The following PRELID3B variants were observed in gnomAD, a reference collection of about 807,000 sequenced individuals.
PRELID3B encodes PRELI domain containing protein 3B.
A neutral mutation model predicts 24.0 loss-of-function variants in PRELID3B; 15 were observed. The observed-to-expected ratio is 0.63, with a 90% CI of 0.42 to 0.96. The LOEUF is 0.96. PRELID3B is among the 40% of genes least tolerant of loss of function. The pLI is 0.00. For synonymous variants in PRELID3B, 62 were observed against 76.0 expected (o/e 0.82, Z 0.96); for missense variants, 189 against 236.0 (o/e 0.80, Z 1.30).
rs185978260 is a variant in PRELID3B, at chr20:59,033,649, T to A, written c.*1358A>T. On this transcript the variant is annotated 3_prime_UTR_variant, in exon 6 of 6. Transcript: ENST00000355937. ...TGTTATACTATTTCTGTGGTTTATGTACATATATTAACTGGTCTCTTGGAT... is the reference window on the plus strand; with the variant it reads ...TGTTATACTATTTCTGTGGTTTATGAACATATATTAACTGGTCTCTTGGAT... The A allele has an allele frequency of 5.3e-5, 8 of 152,346 alleles. No homozygotes were observed. The East Asian group carries it at 1.5e-3, about 29-fold the overall frequency. 9.4% of individuals were successfully genotyped at this position (152,346 alleles called of 1,614,324 possible).
intron 2 of PRELID3B, among the ~76,000 whole-genome samples, chr20:59,037,839 A>C (rs1032408147): frequency 6.6e-6 from 1 of 152,024 alleles, no homozygotes; most frequent in Non-Finnish European, 1.5e-5. Flanking sequence ...CAGTAAGTAC[A>C]TTCCTATTGA....
rs536890785 is a variant in PRELID3B at position 59,039,946 on chromosome 20, C to T, written c.33-1312G>A. Among the ~76,000 whole-genome samples, 13 of 152,182 alleles carry T rather than the reference C, an allele frequency of 8.5e-5. No individual in the cohort carries two copies. The South Asian group carries it at 2.3e-3, about 27-fold the overall frequency. On this transcript the variant is annotated intron_variant, in intron 1 of 5. Coordinates refer to ENST00000355937, the MANE Select transcript of PRELID3B (RefSeq NM_016045.3). ...GTTGCTTCATCAATCTGAAGTGTCC[C>T]GACAAATCGAAGCATACAGGCCAAG...
chr20:59,042,773 A>G lies in PRELID3B; in HGVS notation c.-43T>C, dbSNP rs1049734206. On this transcript the variant is annotated 5_prime_UTR_variant, in exon 1 of 6. Coordinates refer to ENST00000355937, the MANE Select transcript of PRELID3B (RefSeq NM_016045.3). Reference sequence around the variant, plus strand: ...AGATGTCCGGGTAGCGCCAGGGGACAACGAGGCACAGAGGCTACACCTGCC... The same window carrying G: ...AGATGTCCGGGTAGCGCCAGGGGACGACGAGGCACAGAGGCTACACCTGCC... The G allele has an allele frequency of 6.3e-7, 1 of 1,583,464 alleles. No homozygotes were observed. Among genetic ancestry groups the G allele is most frequent in the African/African-American group, 1.3e-5 (1 of 74,614 alleles).
intron 1 of PRELID3B, among the ~76,000 whole-genome samples, chr20:59,041,890 A>G (rs183956046): frequency 1.2e-4 from 19 of 152,326 alleles, no homozygotes; most frequent in Admixed American, 1.2e-3. Flanking sequence ...AAAAAAAAGG[A>G]TTTCGCTGCT....
At position 59,038,529 on chromosome 20, in the gene PRELID3B, A is replaced by T. The variant is rs1476351308; in HGVS notation, c.138T>A (p.Ser46=). Residue 46 remains serine, a synonymous_variant, in exon 2 of 6, where the codon TCT becomes TCA. Transcript: ENST00000355937. ...VDVLDRHIDP[S]GKLHSHRLLS... ...GAAGTCTGTGGCTGTGCAACTTTCC[A>T]GAGGGATCTATATGTCTGTCCAACA... The T allele has an allele frequency of 6.2e-7, 1 of 1,613,910 alleles. No homozygotes were observed. The highest frequency in any genetic ancestry group is 8.5e-7 in the Non-Finnish European group (1 of 1,179,850).
Position 59,034,809 on chromosome 20 carries a change from A to C in PRELID3B, c.*198T>G, listed in dbSNP as rs528674031. 6.6e-5 allele frequency: 28 copies of C among 427,172 alleles called. No homozygotes were observed. In the South Asian group the frequency reaches 2.2e-3, roughly 34 times the overall value. 26.5% of individuals were successfully genotyped at this position (427,172 alleles called of 1,614,324 possible). A position where few individuals can be genotyped will look rare whatever the true frequency, so the allele number is the denominator to read the frequency against. The stretch of plus-strand genomic sequence containing the variant: ...TCAAAATCAGATAGTAATTTCAAAC[A>C]ACATTAATTTCAGATGATCCCTTTT... On this transcript the variant is annotated 3_prime_UTR_variant, in exon 6 of 6. Coordinates refer to ENST00000355937, the MANE Select transcript of PRELID3B (RefSeq NM_016045.3).
Position 59,033,341 on chromosome 20 carries a change from C to G in PRELID3B, c.*1666G>C, listed in dbSNP as rs1010815007. The G allele has an allele frequency of 6.2e-5, 9 of 146,090 alleles. No individual in the cohort carries two copies. The highest frequency in any genetic ancestry group is 1.2e-4 in the Non-Finnish European group (8 of 65,258). The allele number at this position is 146,090 out of a possible 1,614,324, so 9.0% of individuals were successfully genotyped here. On this transcript the variant is annotated 3_prime_UTR_variant, in exon 6 of 6. Transcript: ENST00000355937. ...AAAATTTATAGTTTTATCAATAGGTCAGTTTTTAAAAAATCAAAGGATAAG... is the reference window on the plus strand; with the variant it reads ...AAAATTTATAGTTTTATCAATAGGTGAGTTTTTAAAAAATCAAAGGATAAG...
At chr20:59,041,176 G>A (rs1282193075) in intron 1 of PRELID3B, among the ~76,000 whole-genome samples, 2 of 152,158 alleles carry the variant, frequency 1.3e-5, no homozygotes, top group East Asian at 3.8e-4. Context: ...GAGGACTGAA[G>A]CATGCAAACC....
At chr20:59,036,820 T>A (rs2146391643) in intron 3 of PRELID3B, 60 bp from the exon 4 acceptor site, 2 of 1,172,086 alleles carry the variant, frequency 1.7e-6, no homozygotes, top group South Asian at 1.4e-5. Context: ...ATTCAAAATG[T>A]TGCTAAAATC....
At chr20:59,036,837 C>T (rs2092076567) in intron 3 of PRELID3B, 77 bp from the exon 4 acceptor site, 1 of 953,750 alleles carries the variant, frequency 1.0e-6, no homozygotes, top group South Asian at 1.6e-5. Flanking sequence ...AATCAACACA[C>T]AAGCCAAAAT....
At position 59,038,421 on chromosome 20, in the gene PRELID3B, T is replaced by C. The variant is rs79812430; in HGVS notation, c.201+45A>G. ...GAAAGTATAATGCGGTTTAGAAAAC[T>C]TCTCTACAGCAGTCACATTTCTCCG... On this transcript the variant is annotated intron_variant, in intron 2 of 5. Transcript: ENST00000355937. The C allele has an allele frequency of 8.5e-4, 1,335 of 1,564,460 alleles. 8 individuals carry two copies. In the African/African-American group the frequency reaches 0.016, roughly 18 times the overall value.
intron 5 of PRELID3B, among the ~76,000 whole-genome samples, chr20:59,035,890 G>A (rs1339638174): frequency 6.6e-6 from 1 of 152,108 alleles, no homozygotes; most frequent in Non-Finnish European, 1.5e-5. Context: ...CATGTGTTAT[G>A]TAACAGTGCA....
intron 1 of PRELID3B, among the ~76,000 whole-genome samples, chr20:59,041,670 G>A (rs1224217717): frequency 6.6e-6 from 1 of 152,180 alleles, no homozygotes; most frequent in Non-Finnish European, 1.5e-5. Flanking sequence ...GGGAGACGGA[G>A]GTTGCAGTGA....
At chr20:59,036,096 A>C (rs1039637739) in intron 5 of PRELID3B, among the ~76,000 whole-genome samples, 3 of 152,196 alleles carry the variant, frequency 2.0e-5, no homozygotes, top group Non-Finnish European at 2.9e-5. Flanking sequence ...CAGTGAAAAA[A>C]GGTTGAGAAA....
At position 59,042,239 on chromosome 20, in the gene PRELID3B, G is replaced by A. The variant is rs142241091; in HGVS notation, c.32+460C>T. ...CACCCGAAATTCACATTCGAAGGTA[G>A]AAACTCCACCCAAACGGCGGCCAGG... On this transcript the variant is annotated intron_variant, in intron 1 of 5. Coordinates refer to ENST00000355937, the MANE Select transcript of PRELID3B (RefSeq NM_016045.3). Among the ~76,000 whole-genome samples the A allele has an allele frequency of 8.5e-3, 1,292 of 152,382 alleles. 10 individuals are homozygous for A. Among genetic ancestry groups the A allele is most frequent in the Non-Finnish European group, 0.013 (882 of 68,040 alleles).
chr20:59,036,223 G>A (rs750500247), intron 5 of PRELID3B, among the ~76,000 whole-genome samples: 8 of 152,102 alleles, frequency 5.3e-5, no homozygotes, highest in Non-Finnish European at 1.0e-4. Flanking sequence ...TGTAAAACGG[G>A]TAATCTCCAC....
At chr20:59,042,676 G>T in intron 1 of PRELID3B, 23 bp downstream of exon 1, 2 of 1,580,404 alleles carry the variant, frequency 1.3e-6, no homozygotes, top group Non-Finnish European at 8.6e-7. Flanking sequence ...CCTCCACGGA[G>T]CCGACCCGCG....
chr20:59,042,769 G>A lies in PRELID3B; in HGVS notation c.-39C>T. 4 of 1,587,690 alleles carry A rather than the reference G, an allele frequency of 2.5e-6. No individual in the cohort carries two copies. The highest frequency in any genetic ancestry group is 1.1e-5 in the South Asian group (1 of 87,204). The stretch of plus-strand genomic sequence containing the variant: ...TGAGAGATGTCCGGGTAGCGCCAGG[G>A]GACAACGAGGCACAGAGGCTACACC... On this transcript the variant is annotated 5_prime_UTR_variant, in exon 1 of 6. Transcript: ENST00000355937.
rs1300713423 is a variant in PRELID3B at position 59,037,201 on chromosome 20, T to A, written c.281A>T (p.Lys94Ile). Reference sequence around the variant, plus strand: ...GGAGCCAAGACTTACATTAGTAGATTTAAGTTCCATTGTTTTCTCTACAGG... The same window carrying A: ...GGAGCCAAGACTTACATTAGTAGATATAAGTTCCATTGTTTTCTCTACAGG... ...VDPVEKTMEL[K>I]STNISFTNMV... is the part of the protein sequence containing the mutation. Residue 94 changes from lysine (K) to isoleucine (I), a missense_variant, in exon 3 of 6, where the codon AAA becomes ATA. Physicochemically the swap from Lys to Ile is moderately radical, Grantham distance 102 (BLOSUM62 -3). Transcript: ENST00000355937. 1.9e-6 allele frequency: 3 copies of A among 1,611,866 alleles called. No individual in the cohort carries two copies. The South Asian group carries it at 3.3e-5, about 18-fold the overall frequency.
Sources: gnomAD v4.1 joint callset for allele counts (sites outside exome capture counted in the v4.1 genomes callset) on GRCh38, gnomAD v4.1.1 for gene constraint, MANE v1.5 for transcripts, NCBI Gene and HGNC (gene_info 2026-07-23, HGNC 2026-07-21) for gene names.